Variants in FILIP1L observed in about 807,000 individuals in gnomAD.
FILIP1L encodes filamin A interacting protein 1 like.
A neutral mutation model predicts 96.6 loss-of-function variants in FILIP1L; 55 were observed. The observed-to-expected ratio is 0.57, with a 90% CI of 0.46 to 0.71. FILIP1L has a LOEUF of 0.71. FILIP1L is among the 30% of genes least tolerant of loss of function. The pLI is 0.00. For missense variants in FILIP1L, 1,304 were observed against 1,321.2 expected, an observed-to-expected ratio of 0.99 and a Z score of 0.20; for synonymous variants, 467 against 473.9, an observed-to-expected ratio of 0.99 and a Z score of 0.19.
At chr3:99,861,395 A>ATG (rs965089392) in intron 4 of FILIP1L, among the ~76,000 whole-genome samples, 2 of 152,178 alleles carry the variant, frequency 1.3e-5, no homozygotes, top group African/African-American at 4.8e-5. Context: ...ATTATCACAG[A>ATG]TGTGTGTGTA....
intron 1 of FILIP1L, among the ~76,000 whole-genome samples, chr3:99,960,589 A>G (rs547096912): frequency 6.6e-6 from 1 of 152,290 alleles, no homozygotes; most frequent in East Asian, 1.9e-4. Context: ...ATCTTCTTCT[A>G]TCCCTCCCTC....
At chr3:99,848,230 T>C in intron 5 of FILIP1L, 65 bp downstream of exon 5, 1 of 1,585,592 alleles carries the variant, frequency 6.3e-7, no homozygotes. Flanking sequence ...AGGATTGAGT[T>C]CCTTGCAAAA....
chr3:99,847,965 A>C, intron 5 of FILIP1L: 1 of 1,040,578 alleles, frequency 9.6e-7, no homozygotes, highest in Non-Finnish European at 1.2e-6. Flanking sequence ...ATAATGTTAA[A>C]GTATTTCACC....
At chr3:99,840,248 C>T (rs1943074473) in intron 5 of FILIP1L, among the ~76,000 whole-genome samples, 1 of 95,432 alleles carries the variant, frequency 1.0e-5, no homozygotes, top group Admixed American at 1.4e-4. Context: ...TTTTTTGAGA[C>T]AGCCTTGCTC....
At chr3:100,054,334 C>G (rs775618957) in intron 1 of FILIP1L, among the ~76,000 whole-genome samples, 5 of 152,154 alleles carry the variant, frequency 3.3e-5, no homozygotes, top group Non-Finnish European at 7.4e-5. Context: ...ATTGAGATAT[C>G]TGGCTTTTCT....
At chr3:99,995,639 G>A (rs1195919563) in intron 1 of FILIP1L, among the ~76,000 whole-genome samples, 1 of 152,218 alleles carries the variant, frequency 6.6e-6, no homozygotes, top group Non-Finnish European at 1.5e-5. Context: ...GCAAACTTCT[G>A]CCTGGGCATC....
intron 1 of FILIP1L, among the ~76,000 whole-genome samples, chr3:100,068,309 A>G (rs2065700823): frequency 6.6e-6 from 1 of 152,002 alleles, no homozygotes; most frequent in Non-Finnish European, 1.5e-5. Flanking sequence ...ATAAACCTGG[A>G]TGGATGCATA....
At chr3:99,851,630 C>T (rs927147597) in intron 4 of FILIP1L, among the ~76,000 whole-genome samples, 1 of 152,162 alleles carries the variant, frequency 6.6e-6, no homozygotes, top group Non-Finnish European at 1.5e-5. Flanking sequence ...TTGCTGCTGT[C>T]TTTATTAATA....
At chr3:100,077,172 C>T (rs1340838368) in intron 1 of FILIP1L, among the ~76,000 whole-genome samples, 1 of 152,200 alleles carries the variant, frequency 6.6e-6, no homozygotes, top group Non-Finnish European at 1.5e-5. Flanking sequence ...ATGCAAAGAA[C>T]TTAGGAACTG....
chr3:100,005,355 C>T (rs1240036481), intron 1 of FILIP1L, among the ~76,000 whole-genome samples: 1 of 152,160 alleles, frequency 6.6e-6, no homozygotes. Flanking sequence ...TTAGGGGGTT[C>T]AGATTAGGAT....
chr3:99,985,935 T>C (rs1322155618), intron 1 of FILIP1L, among the ~76,000 whole-genome samples: 2 of 151,934 alleles, frequency 1.3e-5, no homozygotes, highest in Non-Finnish European at 2.9e-5. Context: ...ATAAAACACA[T>C]TGGGGGTTAA....
chr3:99,866,538 T>C (rs552292136), intron 4 of FILIP1L, among the ~76,000 whole-genome samples: 4 of 152,328 alleles, frequency 2.6e-5, no homozygotes, highest in Admixed American at 2.6e-4. Flanking sequence ...AGGACTTTTT[T>C]GGGTCCTCGA....
At chr3:99,932,192 C>T (rs910580421) in intron 1 of FILIP1L, among the ~76,000 whole-genome samples, 1 of 152,166 alleles carries the variant, frequency 6.6e-6, no homozygotes, top group East Asian at 1.9e-4. Context: ...TCCCTTCCCA[C>T]TCCAGAAGTA....
intron 1 of FILIP1L, among the ~76,000 whole-genome samples, chr3:100,058,722 C>G (rs1219864031): frequency 6.6e-6 from 1 of 152,238 alleles, no homozygotes; most frequent in Admixed American, 6.5e-5. Context: ...TTTTTCCTGA[C>G]TGTCCCACTC....
In FILIP1L at chr3:99,848,381, C is replaced by T; in HGVS notation, c.3295G>A (p.Ala1099Thr). The change falls in exon 5 of 6, where the codon GCA (alanine) becomes ACA (threonine). Residue 1099 changes from alanine to threonine, a missense_variant. By Grantham distance (58) the Ala-to-Thr change is moderately conservative. Transcript: ENST00000477258. ...DNRTQGLINGALNKTTNKVTS... is the reference protein window; with the variant it reads ...DNRTQGLINGTLNKTTNKVTS... ...ACTTTATTGGTTGTTTTGTTTAGTGCCCCGTTAATTAAGCCTTGAGTTCGG... is the reference window on the plus strand; with the variant it reads ...ACTTTATTGGTTGTTTTGTTTAGTGTCCCGTTAATTAAGCCTTGAGTTCGG... 1 of 1,614,100 alleles carries T rather than the reference C, an allele frequency of 6.2e-7. No individual in the cohort carries two copies. Among genetic ancestry groups the T allele is most frequent in the Non-Finnish European group, 8.5e-7 (1 of 1,179,996 alleles).
At chr3:99,925,230 G>A (rs1211271252) in intron 3 of FILIP1L, among the ~76,000 whole-genome samples, 1 of 152,144 alleles carries the variant, frequency 6.6e-6, no homozygotes, top group Non-Finnish European at 1.5e-5. Context: ...TCTATTATGT[G>A]TTGGTGTATA....
rs549567934 is a variant in FILIP1L, at chr3:100,002,089, G to A, written c.-10-71059C>T. On this transcript the variant is annotated intron_variant, in intron 1 of 5. Coordinates refer to ENST00000477258, the MANE Select transcript of FILIP1L (RefSeq NM_001387850.1). The stretch of plus-strand genomic sequence containing the variant: ...AGCTCTGGAAAAGCGCGGTGCCACT[G>A]CAAGTGGAAAACATGCCCAAAGCTC... Among the ~76,000 whole-genome samples the A allele has an allele frequency of 4.6e-5, 7 of 152,292 alleles. No individual in the cohort carries two copies. In the East Asian group the frequency reaches 1.4e-3, roughly 29 times the overall value.
chr3:100,018,880 T>C (rs1710421760), intron 1 of FILIP1L, among the ~76,000 whole-genome samples: 1 of 151,982 alleles, frequency 6.6e-6, no homozygotes, highest in African/African-American at 2.4e-5. Context: ...CATTAAAAAA[T>C]TGTCAAAGGC....
At chr3:99,840,171 G>A (rs1943068428) in intron 5 of FILIP1L, among the ~76,000 whole-genome samples, 1 of 151,708 alleles carries the variant, frequency 6.6e-6, no homozygotes, top group Non-Finnish European at 1.5e-5. Context: ...AAGAATAATG[G>A]GGAGAAAAAG....
Sources: allele counts gnomAD v4.1 joint callset (sites outside exome capture counted in the v4.1 genomes callset), GRCh38; gene constraint gnomAD v4.1.1; transcripts MANE v1.5; gene names NCBI Gene and HGNC (gene_info 2026-07-23, HGNC 2026-07-21).